ADAM9: variants seen among roughly 807,000 people sequenced by gnomAD.
ADAM9 encodes the protein ADAM metallopeptidase domain 9, also known as disintegrin and metalloproteinase domain-containing protein 9.
In ADAM9, 54 loss-of-function variants were observed where a neutral mutation model predicts 108.1. The observed-to-expected ratio is 0.50, with a 90% confidence interval of 0.40 to 0.63. The LOEUF (loss-of-function observed/expected upper bound fraction) is 0.63. ADAM9 is among the 20% of genes least tolerant of loss of function. The pLI, the probability that ADAM9 is intolerant of heterozygous loss-of-function variation, is 0.00. For synonymous variants in ADAM9, 316 were observed against 336.0 expected (o/e 0.94, Z 0.65); for missense variants, 830 against 997.7 (o/e 0.83, Z 2.26).
rs764991854 is a variant in ADAM9 at position 39,077,308 on chromosome 8, C to T, written c.1778C>T (p.Thr593Met). 17 of 1,613,950 alleles carry T rather than the reference C, an allele frequency of 1.1e-5. No individual in the cohort carries two copies. The highest frequency in any genetic ancestry group is 4.5e-5 in the East Asian group (2 of 44,892). The change falls in exon 16 of 22, where the codon ACG (threonine) becomes ATG (methionine). Residue 593 changes from threonine to methionine, a missense_variant. Thr to Met is a moderately conservative substitution (Grantham distance 81). Coordinates refer to ENST00000487273, the MANE Select transcript of ADAM9 (RefSeq NM_003816.3). ...VFGIVPAIIQTPSRGTKCWGV... is the reference protein window; with the variant it reads ...VFGIVPAIIQMPSRGTKCWGV... ...GGAATTGTGCCTGCTATTATTCAAA[C>T]GCCTAGTCGAGGCACCAAATGTTGG...
In ADAM9 at chr8:38,998,023, A is replaced by G. The variant is rs542193914; in HGVS notation, c.97+863A>G. Among the ~76,000 whole-genome samples the G allele has an allele frequency of 3.9e-5, 6 of 152,330 alleles. No homozygotes were observed. The East Asian group carries it at 7.7e-4, about 20-fold the overall frequency. ...GCGTCTTTCTGGAAACAAGTTGTTT[A>G]TTTTGGATTTTGTATGATATAATTG... On this transcript the variant is annotated intron_variant, in intron 1 of 21. Coordinates refer to ENST00000487273, the MANE Select transcript of ADAM9 (RefSeq NM_003816.3).
intron 20 of ADAM9, among the ~76,000 whole-genome samples, chr8:39,093,232 C>T (rs1839405697): frequency 6.6e-6 from 1 of 152,194 alleles, no homozygotes; most frequent in South Asian, 2.1e-4. Flanking sequence ...CATGGGATAT[C>T]TTTCCATTTA....
At chr8:39,027,961 G>A (rs1836976244) in intron 11 of ADAM9, among the ~76,000 whole-genome samples, 1 of 152,098 alleles carries the variant, frequency 6.6e-6, no homozygotes, top group African/African-American at 2.4e-5. Flanking sequence ...GTTGGTGCGT[G>A]CCTGTAGTCC....
chr8:39,064,530 A>G (rs796586450), intron 14 of ADAM9, among the ~76,000 whole-genome samples: 1 of 152,210 alleles, frequency 6.6e-6, no homozygotes, highest in South Asian at 2.1e-4. Context: ...CACAGGAGAG[A>G]TGATGGTTTA....
chr8:39,057,469 G>C (rs1401195996), intron 14 of ADAM9, among the ~76,000 whole-genome samples: 1 of 144,018 alleles, frequency 6.9e-6, no homozygotes. Flanking sequence ...CTGCGTAATA[G>C]CATGAGCCCA....
chr8:39,069,830 G>A (rs1054103139), intron 14 of ADAM9, among the ~76,000 whole-genome samples: 5 of 152,050 alleles, frequency 3.3e-5, no homozygotes, highest in African/African-American at 1.2e-4. Flanking sequence ...CAATATTCTG[G>A]ATAAGTAACT....
chr8:39,004,030 A>G (rs73674684), intron 1 of ADAM9, among the ~76,000 whole-genome samples: 3,713 of 152,300 alleles, frequency 0.024, 174 homozygotes, highest in African/African-American at 0.085. Flanking sequence ...AAGTAACTGA[A>G]CCTGTTTCAA....
In ADAM9 at chr8:39,023,177, C is replaced by T. The variant is rs137853040; in HGVS notation, c.766C>T (p.Arg256Ter). 5 of 1,612,194 alleles carry T rather than the reference C, an allele frequency of 3.1e-6. No individual in the cohort carries two copies. Among genetic ancestry groups the T allele is most frequent in the South Asian group, 1.1e-5 (1 of 90,948 alleles). ...CCAGATGTATATTATGTTAAATATT[C>T]GAATTGTGCTAGTTGGACTGGAGAT... is the stretch of plus-strand genomic sequence containing the variant. ...LDSMYIMLNI[R>*]IVLVGLEIWT... Residue 256 changes from arginine (R) to a stop codon, truncating the protein, a stop_gained, in exon 9 of 22, where the codon CGA becomes TGA. Transcript: ENST00000487273. LOFTEE classifies it high-confidence loss of function.
chr8:39,067,932 G>T (rs1332991618), intron 14 of ADAM9, among the ~76,000 whole-genome samples: 4 of 152,088 alleles, frequency 2.6e-5, no homozygotes, highest in Admixed American at 2.0e-4. Context: ...AATACCTAAT[G>T]TATTGAGAGT....
chr8:39,045,114 A>G (rs1280470721), intron 12 of ADAM9, among the ~76,000 whole-genome samples: 1 of 14,228 alleles, frequency 7.0e-5, no homozygotes, highest in African/African-American at 4.2e-4. Context: ...GCATACATAC[A>G]TATGTGTGTG....
chr8:39,045,116 A>ATG (rs561491970), intron 12 of ADAM9, among the ~76,000 whole-genome samples: 1 of 26,674 alleles, frequency 3.7e-5, no homozygotes, highest in Non-Finnish European at 7.8e-5. Flanking sequence ...ATACATACAT[A>ATG]TGTGTGTGTG....
intron 12 of ADAM9, among the ~76,000 whole-genome samples, chr8:39,045,568 G>A (rs201512794): frequency 2.0e-4 from 28 of 139,304 alleles, no homozygotes; most frequent in South Asian, 4.7e-4. Flanking sequence ...ATGTGTGTGT[G>A]TGTATATATA....
intron 1 of ADAM9, among the ~76,000 whole-genome samples, chr8:39,004,470 C>T (rs1836097761): frequency 1.3e-5 from 2 of 152,204 alleles, no homozygotes; most frequent in South Asian, 4.1e-4. Flanking sequence ...CTGCCTTGGC[C>T]TCCCAAAGTG....
intron 18 of ADAM9, among the ~76,000 whole-genome samples, chr8:39,085,988 T>G (rs1839168944): frequency 1.3e-5 from 2 of 152,056 alleles, no homozygotes; most frequent in Admixed American, 1.3e-4. Context: ...TGATTTTTTA[T>G]TTTTGTTTTT....
At chr8:39,020,069 A>C (rs1199289667) in intron 7 of ADAM9, among the ~76,000 whole-genome samples, 1 of 152,194 alleles carries the variant, frequency 6.6e-6, no homozygotes. Context: ...GCGGATCACG[A>C]GATCAGGAGA....
chr8:39,053,766 GTTCA>G (rs1325712658), intron 12 of ADAM9, among the ~76,000 whole-genome samples: 1 of 152,114 alleles, frequency 6.6e-6, no homozygotes, highest in Non-Finnish European at 1.5e-5. Flanking sequence ...AAAAAAGAGT[GTTCA>G]GCTAGGGTGA....
chr8:39,052,950 C>G (rs1210599545), intron 12 of ADAM9, among the ~76,000 whole-genome samples: 2 of 152,108 alleles, frequency 1.3e-5, no homozygotes, highest in Non-Finnish European at 2.9e-5. Context: ...CATTTCCATC[C>G]TTAGTGTATG....
At chr8:39,000,129 A>G (rs1450445947) in intron 1 of ADAM9, among the ~76,000 whole-genome samples, 1 of 151,776 alleles carries the variant, frequency 6.6e-6, no homozygotes, top group Non-Finnish European at 1.5e-5. Flanking sequence ...AGTTCAAGCA[A>G]TTCTCCTGCC....
chr8:39,017,287 A>G lies in ADAM9; in HGVS notation c.479A>G (p.His160Arg). 1.2e-6 allele frequency: 2 copies of G among 1,614,160 alleles called. No homozygotes were observed. Among genetic ancestry groups the G allele is most frequent in the Non-Finnish European group, 1.7e-6 (2 of 1,180,026 alleles). Residue 160 changes from histidine to arginine, a missense_variant, in exon 6 of 22, where the codon CAC becomes CGC. Around this residue, in one of 3 missense-constraint regions of ADAM9, gnomAD observed 211 missense variants for 222.2 expected, o/e 0.95. Transcript: ENST00000487273. ...EPLQNSSHFE[H>R]IIYRMDDVYK... is the part of the protein sequence containing the mutation. ...CTGCAGAACAGCTCTCATTTTGAGC[A>G]CATCATTTATCGAATGGATGATGTC...
Sources: gnomAD v4.1 joint callset for allele counts (sites outside exome capture counted in the v4.1 genomes callset) on GRCh38, gnomAD v4.1.1 for gene constraint, gnomAD v4.1.1 regional missense constraint, MANE v1.5 for transcripts, NCBI Gene and HGNC (gene_info 2026-07-23, HGNC 2026-07-21) for gene names.